Variants in KIF21A observed in about 807,000 individuals in gnomAD.
KIF21A encodes kinesin family member 21A, also known as kinesin-like protein KIF21A.
Under a neutral mutation model 202.9 loss-of-function variants are expected in KIF21A, and 114 were observed. The observed-to-expected ratio is 0.56, with a 90% confidence interval of 0.48 to 0.66. KIF21A has a LOEUF of 0.66. KIF21A is among the 30% of genes least tolerant of loss of function. The pLI is 0.00. For synonymous variants in KIF21A, 667 were observed against 670.8 expected (o/e 0.99, Z 0.09); for missense variants, 1,677 against 1,994.9 (o/e 0.84, Z 3.04).
intron 1 of KIF21A, among the ~76,000 whole-genome samples, chr12:39,392,687 T>C (rs1951456182): frequency 6.6e-6 from 1 of 151,406 alleles, no homozygotes; most frequent in Non-Finnish European, 1.5e-5. Context: ...TTGGTGCTCT[T>C]GTTGGTTGAG....
At position 39,363,145 on chromosome 12, in the gene KIF21A, T is replaced by G; in HGVS notation, c.972A>C (p.Arg324Ser). ...KSKRATHVPY[R>S]DSKLTRLLQD... Reference sequence around the variant, plus strand: ...GTAGTAGTCTTGTTAGCTTGGAATCTCTATAGGGGACATGTGTGGCCCTCT... The same window carrying G: ...GTAGTAGTCTTGTTAGCTTGGAATCGCTATAGGGGACATGTGTGGCCCTCT... The change falls in exon 7 of 38, where the codon AGA becomes AGC. Residue 324 changes from arginine (R) to serine (S), a missense_variant. Transcript: ENST00000361418. 6.2e-7 allele frequency: 1 copy of G among 1,613,372 alleles called. No individual in the cohort carries two copies. Among genetic ancestry groups the G allele is most frequent in the Non-Finnish European group, 8.5e-7 (1 of 1,179,450 alleles).
At chr12:39,437,194 C>G (rs1263590705) in intron 1 of KIF21A, among the ~76,000 whole-genome samples, 1 of 152,174 alleles carries the variant, frequency 6.6e-6, no homozygotes, top group Non-Finnish European at 1.5e-5. Flanking sequence ...TTCATGGTTT[C>G]ACTAAACTGG....
At position 39,442,099 on chromosome 12, in the gene KIF21A, C is replaced by T. The variant is rs1044700887; in HGVS notation, c.44+828G>A. ...TCGAATACTCGTGCCTGTCATTGGC[C>T]GAAATATAATTTCAATACTAGGATG... On this transcript the variant is annotated intron_variant, in intron 1 of 37. Coordinates refer to ENST00000361418, the MANE Select transcript of KIF21A (RefSeq NM_001173464.2). This position sits in a 1 kb window ranked among gnomAD's most constrained non-coding sequence, Gnocchi z 5.0. 2.6e-5 allele frequency among the ~76,000 whole-genome samples: 4 copies of T among 152,040 alleles called. No homozygotes were observed. Among genetic ancestry groups the T allele is most frequent in the Non-Finnish European group, 2.9e-5 (2 of 68,024 alleles).
intron 1 of KIF21A, among the ~76,000 whole-genome samples, chr12:39,376,051 C>T (rs903121387): frequency 6.6e-6 from 1 of 152,062 alleles, no homozygotes; most frequent in African/African-American, 2.4e-5. Context: ...TTAAAGAATG[C>T]ATGATTTACT....
chr12:39,409,133 GC>G (rs1397120853), intron 1 of KIF21A, among the ~76,000 whole-genome samples: 1 of 151,596 alleles, frequency 6.6e-6, no homozygotes, highest in Non-Finnish European at 1.5e-5. Context: ...ACCACACCCA[GC>G]CAAAAAGCAG....
At chr12:39,428,734 C>T (rs574522934) in intron 1 of KIF21A, among the ~76,000 whole-genome samples, 5 of 151,974 alleles carry the variant, frequency 3.3e-5, no homozygotes, top group Admixed American at 2.0e-4. Context: ...CCGAGGTGGG[C>T]GGATCATGAG....
intron 1 of KIF21A, among the ~76,000 whole-genome samples, chr12:39,416,005 C>A (rs1185074348): frequency 6.6e-6 from 1 of 152,070 alleles, no homozygotes; most frequent in Non-Finnish European, 1.5e-5. Context: ...AAGCTGGTAA[C>A]TAAGGTGCAG....
chr12:39,327,187 C>G lies in KIF21A; in HGVS notation c.3341-863G>C, dbSNP rs528487014. Among the ~76,000 whole-genome samples the G allele has an allele frequency of 1.1e-3, 168 of 151,700 alleles. 1 individual carries two copies. Among genetic ancestry groups the G allele is most frequent in the Non-Finnish European group, 2.0e-3 (138 of 67,938 alleles). On this transcript the variant is annotated intron_variant, in intron 24 of 37. Transcript: ENST00000361418. ...TAAAGAAAAATATATAGGGTTCATCCCCTTTTAATTTTTAATTTTATATAA... is the reference window on the plus strand; with the variant it reads ...TAAAGAAAAATATATAGGGTTCATCGCCTTTTAATTTTTAATTTTATATAA...
intron 1 of KIF21A, among the ~76,000 whole-genome samples, chr12:39,419,062 T>G (rs1028817712): frequency 1.3e-5 from 2 of 152,202 alleles, no homozygotes; most frequent in Admixed American, 1.3e-4. Flanking sequence ...CAAGTAAATA[T>G]AGTATTTGTT....
intron 30 of KIF21A, 68 bp from the exon 31 acceptor site, chr12:39,315,308 G>A: frequency 2.2e-6 from 3 of 1,385,636 alleles, no homozygotes; most frequent in Non-Finnish European, 3.1e-6. Context: ...GACATAAAAT[G>A]ATAATGGTGA....
At chr12:39,324,918 T>C (rs1945697063) in intron 26 of KIF21A, among the ~76,000 whole-genome samples, 2 of 152,352 alleles carry the variant, frequency 1.3e-5, no homozygotes, top group Admixed American at 1.3e-4. Flanking sequence ...AAGAATTCTT[T>C]GTTTTCAAAC....
chr12:39,317,487 T>C (rs918690751), intron 29 of KIF21A, among the ~76,000 whole-genome samples: 15 of 152,192 alleles, frequency 9.9e-5, no homozygotes, highest in Admixed American at 9.8e-4. Context: ...TGATGACATT[T>C]ACATTTTCCA....
chr12:39,346,352 G>C, intron 12 of KIF21A, 114 bp downstream of exon 12: 1 of 560,056 alleles, frequency 1.8e-6, no homozygotes, highest in Non-Finnish European at 2.7e-6. Context: ...ACTTTTAGGA[G>C]CAGCCCAGCT....
Position 39,315,952 on chromosome 12 carries a change from G to A in KIF21A, c.3927C>T (p.Ser1309=). 2 of 1,606,168 alleles carry A rather than the reference G, an allele frequency of 1.2e-6. No individual in the cohort carries two copies. Among genetic ancestry groups the A allele is most frequent in the Non-Finnish European group, 1.7e-6 (2 of 1,173,058 alleles). Residue 1309 remains serine, a synonymous_variant, in exon 30 of 38, where the codon TCC becomes TCT. Coordinates refer to ENST00000361418, the MANE Select transcript of KIF21A (RefSeq NM_001173464.2). ...AGTACCTGTGTACCTCCGAGAGAGA[G>A]GAGTCACTTTCATCAGACCTATAGT... ...VQQDKSDESD[S]SLSEVHRSSR...
chr12:39,307,653 T>C lies in KIF21A; in HGVS notation c.4354A>G (p.Asn1452Asp), dbSNP rs369666213. Reference sequence around the variant, plus strand: ...TTTAGGGCAATTTGATTGATCTGGTTCTCTCCAGAAGGAATAGCTACTGTT... The same window carrying C: ...TTTAGGGCAATTTGATTGATCTGGTCCTCTCCAGAAGGAATAGCTACTGTT... Reference protein sequence around the residue: ...SRTVAIPSGENQINQIALNPT... With the variant: ...SRTVAIPSGEDQINQIALNPT... The change falls in exon 34 of 38, where the codon AAC becomes GAC. Residue 1452 changes from asparagine to aspartate, a missense_variant. By Grantham distance (23) the Asn-to-Asp change is conservative. Around this residue, in one of 3 missense-constraint regions of KIF21A, gnomAD observed 705 missense variants for 791.9 expected, o/e 0.89. Coordinates refer to ENST00000361418, the MANE Select transcript of KIF21A (RefSeq NM_001173464.2). 6.2e-7 allele frequency: 1 copy of C among 1,613,906 alleles called. No homozygotes were observed. The highest frequency in any genetic ancestry group is 2.2e-5 in the East Asian group (1 of 44,860).
chr12:39,382,301 A>G (rs1950663769), intron 1 of KIF21A, among the ~76,000 whole-genome samples: 1 of 152,220 alleles, frequency 6.6e-6, no homozygotes, highest in South Asian at 2.1e-4. Context: ...TTGGTGTTCA[A>G]AAAAGATGAC....
rs148688136 is a variant in KIF21A at position 39,342,111 on chromosome 12, C to G, written c.1726G>C (p.Glu576Gln). ...TCTTGGTCAGTGTCTGTATTATCCT[C>G]TTTACCAGCCACACTAAAAAAAGGA... ...NREERSVAGK[E>Q]DNTDTDQEKK... Residue 576 changes from glutamate (E) to glutamine (Q), a missense_variant, in exon 13 of 38, where the codon GAG (glutamate) becomes CAG (glutamine). Around this residue, in one of 3 missense-constraint regions of KIF21A, gnomAD observed 966 missense variants for 1,180.9 expected, o/e 0.82. Coordinates refer to ENST00000361418, the MANE Select transcript of KIF21A (RefSeq NM_001173464.2). 10 of 1,608,474 alleles carry G rather than the reference C, an allele frequency of 6.2e-6. No homozygotes were observed. The African/African-American group carries it at 1.3e-4, about 22-fold the overall frequency.
intron 17 of KIF21A, among the ~76,000 whole-genome samples, chr12:39,336,265 C>A (rs1421579635): frequency 2.0e-5 from 3 of 151,934 alleles, no homozygotes; most frequent in Admixed American, 2.0e-4. Context: ...TAATTTTTCA[C>A]CTAAAAGAAA....
intron 1 of KIF21A, among the ~76,000 whole-genome samples, chr12:39,418,653 G>GT (rs1399869501): frequency 1.3e-5 from 2 of 152,182 alleles, no homozygotes; most frequent in Admixed American, 1.3e-4. Flanking sequence ...AGTAGCATCA[G>GT]TGAGAATTCA....
Sources: allele counts gnomAD v4.1 joint callset (sites outside exome capture counted in the v4.1 genomes callset), GRCh38; gene constraint gnomAD v4.1.1; regional missense constraint gnomAD v4.1.1; non-coding constraint Gnocchi (gnomAD v3.1); transcripts MANE v1.5; gene names NCBI Gene and HGNC (gene_info 2026-07-23, HGNC 2026-07-21).